Variants in ARID5B observed in about 807,000 individuals in gnomAD.
ARID5B encodes AT-rich interaction domain 5B.
ARID5B carries 13 observed loss-of-function variants against 97.2 expected under a neutral mutation model. The observed-to-expected ratio is 0.13, with a 90% CI of 0.09 to 0.21. The LOEUF is 0.21. Among genes scored for constraint, ARID5B ranks in the 10% least tolerant of loss-of-function variants. The probability of loss-of-function intolerance (pLI) is 1.00; values close to 1 mark genes in which losing one functional copy is unlikely to be tolerated. For synonymous variants in ARID5B, 556 were observed against 570.3 expected, an observed-to-expected ratio of 0.97 and a Z score of 0.36; for missense variants, 1,210 against 1,465.3, an observed-to-expected ratio of 0.83 and a Z score of 2.84.
chr10:61,907,759 T>C (rs558390357), intron 2 of ARID5B, among the ~76,000 whole-genome samples: 1 of 152,404 alleles, frequency 6.6e-6, no homozygotes, highest in African/African-American at 2.4e-5. Context: ...GCCCACTGTC[T>C]GTTTTTGTGA....
intron 2 of ARID5B, among the ~76,000 whole-genome samples, chr10:61,929,474 CT>C (rs1844166956): frequency 6.6e-6 from 1 of 152,176 alleles, no homozygotes; most frequent in Non-Finnish European, 1.5e-5. Flanking sequence ...CATGTTCTTT[CT>C]CTGGAGGGAT....
chr10:61,917,889 C>A (rs1766952710), intron 2 of ARID5B, among the ~76,000 whole-genome samples: 1 of 152,088 alleles, frequency 6.6e-6, no homozygotes, highest in Non-Finnish European at 1.5e-5. Flanking sequence ...AGGCAGGGAC[C>A]AGCTGTGGAA....
At chr10:61,978,237 G>A (rs1367245678) in intron 3 of ARID5B, among the ~76,000 whole-genome samples, 1 of 152,216 alleles carries the variant, frequency 6.6e-6, no homozygotes, top group Non-Finnish European at 1.5e-5. Flanking sequence ...TTTGGTACCA[G>A]TACCATGCTG....
At position 61,954,096 on chromosome 10, in the gene ARID5B, T is replaced by C. The variant is rs574516406; in HGVS notation, c.502+13688T>C. On this transcript the variant is annotated intron_variant, in intron 3 of 9. Transcript: ENST00000279873. ...AATTTCAGCCGGGCACGGTGGCTCA[T>C]GCCTGTAATCCCAGCAATTTGGAAG... Among the ~76,000 whole-genome samples, 519 of 152,266 alleles carry C rather than the reference T, an allele frequency of 3.4e-3. 1 individual carries two copies. The highest frequency in any genetic ancestry group is 0.01 in the South Asian group (50 of 4,824).
intron 2 of ARID5B, among the ~76,000 whole-genome samples, chr10:61,939,567 GT>G (rs1332844911): frequency 6.6e-6 from 1 of 152,160 alleles, no homozygotes; most frequent in Non-Finnish European, 1.5e-5. Flanking sequence ...AGCTTACAAA[GT>G]TTTTGAGAAA....
At position 62,019,435 on chromosome 10, in the gene ARID5B, T is replaced by C. The variant is rs542544501; in HGVS notation, c.733+19114T>C. Among the ~76,000 whole-genome samples, 5 of 152,354 alleles carry C rather than the reference T, an allele frequency of 3.3e-5. No homozygotes were observed. The East Asian group carries it at 5.8e-4, about 18-fold the overall frequency. ...ATGGCGTTTTTGTTGTTAATTATTA[T>C]AGGACTCCTTTAACTTTTACAAAGT... On this transcript the variant is annotated intron_variant, in intron 4 of 9. Coordinates refer to ENST00000279873, the MANE Select transcript of ARID5B (RefSeq NM_032199.3).
chr10:62,042,589 C>A (rs1295977184), intron 4 of ARID5B, among the ~76,000 whole-genome samples: 10 of 152,130 alleles, frequency 6.6e-5, no homozygotes, highest in African/African-American at 2.4e-4. Context: ...CTAAGATGTC[C>A]GCTCTGCCCT....
chr10:61,946,598 T>C (rs1309018650), intron 3 of ARID5B, among the ~76,000 whole-genome samples: 1 of 152,210 alleles, frequency 6.6e-6, no homozygotes, highest in Non-Finnish European at 1.5e-5. Context: ...ATGAATATCA[T>C]GAAGAATCAT....
intron 3 of ARID5B, among the ~76,000 whole-genome samples, chr10:61,996,290 T>C (rs1012645598): frequency 2.0e-5 from 3 of 152,074 alleles, no homozygotes; most frequent in Admixed American, 1.3e-4. Context: ...AGAAGTCTTA[T>C]ATTTGACTTG....
At chr10:61,901,833 T>G in intron 1 of ARID5B, 103 bp downstream of exon 1, 1 of 892,416 alleles carries the variant, frequency 1.1e-6, no homozygotes, top group Non-Finnish European at 1.8e-6. Context: ...CCCACAAACT[T>G]TTCACCAAAC....
chr10:61,933,862 A>G (rs1186102135), intron 2 of ARID5B, among the ~76,000 whole-genome samples: 1 of 152,248 alleles, frequency 6.6e-6, no homozygotes, highest in South Asian at 2.1e-4. Context: ...CACCAGCTGC[A>G]TTAGCCCCTA....
chr10:61,939,739 G>A (rs1271706201), intron 2 of ARID5B, among the ~76,000 whole-genome samples: 1 of 152,084 alleles, frequency 6.6e-6, no homozygotes, highest in Non-Finnish European at 1.5e-5. Context: ...AGGAATTTGG[G>A]GGTGAGTCAG....
At chr10:62,046,989 A>G (rs1404570576) in intron 4 of ARID5B, 1 of 119,542 alleles carries the variant, frequency 8.4e-6, no homozygotes, top group African/African-American at 3.3e-5. Context: ...ATTTTGAGGC[A>G]ATGTGTGTGT....
intron 2 of ARID5B, 29 bp downstream of exon 2, chr10:61,902,442 T>C: frequency 6.2e-7 from 1 of 1,606,340 alleles, no homozygotes; most frequent in Non-Finnish European, 8.5e-7. Flanking sequence ...CCCCTCTTCT[T>C]TCTTTATTAT....
intron 7 of ARID5B, among the ~76,000 whole-genome samples, chr10:62,068,372 G>A (rs1009293663): frequency 6.6e-6 from 1 of 152,072 alleles, no homozygotes; most frequent in Non-Finnish European, 1.5e-5. Flanking sequence ...ACATTGTCTC[G>A]AGGTCCTATT....
intron 4 of ARID5B, among the ~76,000 whole-genome samples, chr10:62,042,257 T>C (rs1473255445): frequency 2.0e-5 from 3 of 152,200 alleles, no homozygotes; most frequent in African/African-American, 7.2e-5. Flanking sequence ...TAGTATAGCA[T>C]TGAAACAACA....
At chr10:62,080,346 C>T (rs1840195949) in intron 8 of ARID5B, among the ~76,000 whole-genome samples, 1 of 152,214 alleles carries the variant, frequency 6.6e-6, no homozygotes, top group Non-Finnish European at 1.5e-5. Flanking sequence ...TTACTGTGCT[C>T]AACCAGGGTT....
intron 3 of ARID5B, among the ~76,000 whole-genome samples, chr10:61,967,547 A>G (rs1838563234): frequency 6.6e-6 from 1 of 152,212 alleles, no homozygotes; most frequent in Non-Finnish European, 1.5e-5. Flanking sequence ...TGCACCCTAC[A>G]GCAAAAAAGT....
At chr10:62,042,494 G>T (rs189777926) in intron 4 of ARID5B, among the ~76,000 whole-genome samples, 1 of 152,304 alleles carries the variant, frequency 6.6e-6, no homozygotes, top group East Asian at 1.9e-4. Flanking sequence ...CTGGTGGGTG[G>T]CATGGGCTGA....
Sources: allele counts gnomAD v4.1 joint callset (sites outside exome capture counted in the v4.1 genomes callset), GRCh38; gene constraint gnomAD v4.1.1; transcripts MANE v1.5; gene names NCBI Gene and HGNC (gene_info 2026-07-23, HGNC 2026-07-21).